DOK6: variants seen among roughly 807,000 people sequenced by gnomAD.
DOK6 encodes downstream of tyrosine kinase 6.
A neutral mutation model predicts 44.0 loss-of-function variants in DOK6; 22 were observed. The ratio of observed to expected loss-of-function variants is 0.50; its 90% confidence interval spans 0.36 to 0.71. The LOEUF (loss-of-function observed/expected upper bound fraction) is 0.71, where lower values mean the gene tolerates loss of function less well. Among genes scored for constraint, DOK6 ranks in the 30% least tolerant of loss-of-function variants. The pLI is 0.00. For synonymous variants in DOK6, 166 were observed against 145.5 expected (o/e 1.14, Z -1.01); for missense variants, 340 against 416.4 (o/e 0.82, Z 1.60).
At position 69,846,009 on chromosome 18, in the gene DOK6, A is replaced by AT. The variant is rs1201237570; in HGVS notation, c.*4627dup. ...ATCTGTGAGACAAGCTCACACTCTC[A>AT]TGTGTGCATTCTCTATTAACATATT... On this transcript the variant is annotated 3_prime_UTR_variant, in exon 8 of 8. Transcript: ENST00000382713. 6.6e-6 allele frequency: 1 copy of AT among 152,190 alleles called. No homozygotes were observed. The highest frequency in any genetic ancestry group is 1.5e-5 in the Non-Finnish European group (1 of 68,040). The allele number at this position is 152,190 out of a possible 1,614,324, so 9.4% of individuals were successfully genotyped here.
intron 1 of DOK6, among the ~76,000 whole-genome samples, chr18:69,530,754 G>T (rs1332064034): frequency 6.6e-6 from 1 of 152,154 alleles, no homozygotes. Flanking sequence ...ATTTGGGGTG[G>T]AGAGTTCTGT....
chr18:69,472,052 C>T (rs1391426617), intron 1 of DOK6, among the ~76,000 whole-genome samples: 1 of 152,116 alleles, frequency 6.6e-6, no homozygotes, highest in Non-Finnish European at 1.5e-5. Context: ...TGCATTATCT[C>T]TTATGATTTT....
chr18:69,599,950 T>TAA (rs1446287137), intron 3 of DOK6, among the ~76,000 whole-genome samples: 2 of 152,198 alleles, frequency 1.3e-5, no homozygotes. Flanking sequence ...GTACTACAAG[T>TAA]AAATACATTT....
intron 3 of DOK6, among the ~76,000 whole-genome samples, chr18:69,676,065 T>TTA (rs1985915188): frequency 1.3e-5 from 2 of 152,240 alleles, no homozygotes; most frequent in African/African-American, 4.8e-5. Flanking sequence ...CCCAGGCCTC[T>TTA]GACTCCACTC....
intron 4 of DOK6, among the ~76,000 whole-genome samples, chr18:69,693,401 G>A (rs562456797): frequency 5.2e-4 from 79 of 150,746 alleles, no homozygotes; most frequent in Admixed American, 2.1e-3. Flanking sequence ...CATTTTATGT[G>A]TATGCAGTCA....
At chr18:69,652,823 T>G (rs755597551) in intron 3 of DOK6, among the ~76,000 whole-genome samples, 1 of 152,128 alleles carries the variant, frequency 6.6e-6, no homozygotes, top group Non-Finnish European at 1.5e-5. Flanking sequence ...CATATTATTT[T>G]TACTACATAG....
intron 6 of DOK6, among the ~76,000 whole-genome samples, chr18:69,742,950 C>T (rs1216971989): frequency 6.6e-6 from 1 of 152,176 alleles, no homozygotes; most frequent in Non-Finnish European, 1.5e-5. Flanking sequence ...GTCGGCCCTC[C>T]ATAGAATGAT....
At chr18:69,753,557 T>G (rs1979254167) in intron 6 of DOK6, among the ~76,000 whole-genome samples, 1 of 152,240 alleles carries the variant, frequency 6.6e-6, no homozygotes. Context: ...CCTGATTCAT[T>G]GCTCATATCC....
Position 69,401,167 on chromosome 18 carries a change from G to C in DOK6, c.-78G>C, listed in dbSNP as rs542018167. 14 of 1,445,326 alleles carry C rather than the reference G, an allele frequency of 9.7e-6. No homozygotes were observed. In the African/African-American group the frequency reaches 1.6e-4, roughly 17 times the overall value. The allele number at this position is 1,445,326 out of a possible 1,614,324, so 89.5% of individuals were successfully genotyped here. Reference sequence around the variant, plus strand: ...CGGCGGCCGGCTGGATGCGAGACCCGCGCAGACCCGGCGGCGGACGGCGGC... The same window carrying C: ...CGGCGGCCGGCTGGATGCGAGACCCCCGCAGACCCGGCGGCGGACGGCGGC... On this transcript the variant is annotated 5_prime_UTR_variant, in exon 1 of 8. Transcript: ENST00000382713.
At chr18:69,736,445 C>T (rs1978610349) in intron 5 of DOK6, among the ~76,000 whole-genome samples, 1 of 152,058 alleles carries the variant, frequency 6.6e-6, no homozygotes, top group Non-Finnish European at 1.5e-5. Context: ...ATCCAACATC[C>T]TATTTTAGAT....
intron 1 of DOK6, among the ~76,000 whole-genome samples, chr18:69,444,276 A>T (rs561066769): frequency 6.6e-6 from 1 of 152,326 alleles, no homozygotes; most frequent in Admixed American, 6.5e-5. Context: ...CTTGCAATGT[A>T]GCTAAAGAAA....
intron 6 of DOK6, among the ~76,000 whole-genome samples, chr18:69,751,985 GC>G (rs1468046655): frequency 6.6e-6 from 1 of 152,096 alleles, no homozygotes; most frequent in East Asian, 1.9e-4. Context: ...TCATTCAGAA[GC>G]AAATGCTTTT....
chr18:69,531,908 G>C (rs1981996320), intron 1 of DOK6, among the ~76,000 whole-genome samples: 1 of 152,108 alleles, frequency 6.6e-6, no homozygotes, highest in African/African-American at 2.4e-5. Flanking sequence ...CCAATGTGAT[G>C]ATATTAGGAG....
chr18:69,436,339 C>A (rs1223869023), intron 1 of DOK6, among the ~76,000 whole-genome samples: 1 of 151,948 alleles, frequency 6.6e-6, no homozygotes, highest in African/African-American at 2.4e-5. Flanking sequence ...CGCTGACAGG[C>A]CCCAGTGTAT....
chr18:69,503,267 C>A (rs1366985452), intron 1 of DOK6, among the ~76,000 whole-genome samples: 1 of 152,000 alleles, frequency 6.6e-6, no homozygotes, highest in African/African-American at 2.4e-5. Flanking sequence ...TAAACAGGAA[C>A]CAAGTGTTGT....
intron 6 of DOK6, among the ~76,000 whole-genome samples, chr18:69,753,357 T>C (rs12953961): frequency 0.71 from 108,583 of 152,044 alleles, 40,403 homozygotes; most frequent in East Asian, 0.84. Flanking sequence ...TAACTCTCAT[T>C]TGTGTTATAT....
chr18:69,605,076 TTGTG>T (rs71176987), intron 3 of DOK6, among the ~76,000 whole-genome samples: 2,492 of 125,778 alleles, frequency 0.02, 42 homozygotes, highest in African/African-American at 0.052. Flanking sequence ...AGAGATCCCT[TTGTG>T]TGTGTGTGTG....
At chr18:69,644,202 C>T (rs79559622) in intron 3 of DOK6, among the ~76,000 whole-genome samples, 5,023 of 152,058 alleles carry the variant, frequency 0.033, 167 homozygotes, top group East Asian at 0.17. Context: ...TAGTCTATAG[C>T]CTGTATTTTC....
intron 1 of DOK6, among the ~76,000 whole-genome samples, chr18:69,506,129 G>A (rs186748990): frequency 3.0e-4 from 45 of 152,002 alleles, no homozygotes; most frequent in South Asian, 8.3e-4. Context: ...AGCAATCTTT[G>A]ACATTTATTT....
Sources: gnomAD v4.1 joint callset for allele counts (sites outside exome capture counted in the v4.1 genomes callset) on GRCh38, gnomAD v4.1.1 for gene constraint, MANE v1.5 for transcripts, NCBI Gene and HGNC (gene_info 2026-07-23, HGNC 2026-07-21) for gene names.